CNTN4: variants seen among roughly 807,000 people sequenced by gnomAD.
CNTN4 encodes the protein contactin 4, also known as contactin-4.
In CNTN4, 77 loss-of-function variants were observed where a neutral mutation model predicts 122.5. That is an observed-to-expected ratio of 0.63 (90% CI 0.52 to 0.76). The LOEUF (loss-of-function observed/expected upper bound fraction) is 0.76. CNTN4 is among the 30% of genes least tolerant of loss of function. CNTN4 has a pLI of 0.00. For missense variants in CNTN4, 1,256 were observed against 1,259.1 expected (o/e 1.00, Z 0.04); for synonymous variants, 512 against 447.0 (o/e 1.15, Z -1.83).
At chr3:2,840,180 T>G (rs894251562) in intron 7 of CNTN4, among the ~76,000 whole-genome samples, 1 of 152,114 alleles carries the variant, frequency 6.6e-6, no homozygotes, top group Non-Finnish European at 1.5e-5. Flanking sequence ...GGGGTCATTC[T>G]TATAACAACA....
chr3:2,444,043 G>A (rs1296329002), intron 3 of CNTN4, among the ~76,000 whole-genome samples: 1 of 151,982 alleles, frequency 6.6e-6, no homozygotes, highest in South Asian at 2.1e-4. Flanking sequence ...ACTCCTCTGG[G>A]AGCATTTATC....
chr3:2,627,757 T>C (rs940373310), intron 4 of CNTN4, among the ~76,000 whole-genome samples: 6 of 152,266 alleles, frequency 3.9e-5, no homozygotes, highest in African/African-American at 7.2e-5. Context: ...CCTCCCAAAG[T>C]GCTGGGATTA....
At chr3:2,741,426 A>G (rs539871774) in intron 5 of CNTN4, among the ~76,000 whole-genome samples, 4 of 152,198 alleles carry the variant, frequency 2.6e-5, no homozygotes, top group Non-Finnish European at 4.4e-5. Context: ...TAAGAAAACA[A>G]CAACTCTCTA....
intron 3 of CNTN4, among the ~76,000 whole-genome samples, chr3:2,421,168 A>G (rs13084976): frequency 0.22 from 33,212 of 151,548 alleles, 4,615 homozygotes; most frequent in Non-Finnish European, 0.32. Context: ...AATGACCACC[A>G]TTGCATAACA....
At chr3:2,840,604 C>T (rs1310322962) in intron 7 of CNTN4, among the ~76,000 whole-genome samples, 3 of 100,308 alleles carry the variant, frequency 3.0e-5, no homozygotes, top group Middle Eastern at 3.7e-3. Flanking sequence ...GAGGCTGAGG[C>T]GGGAGAATGG....
At chr3:2,533,129 T>C (rs1186413455) in intron 3 of CNTN4, among the ~76,000 whole-genome samples, 1 of 151,696 alleles carries the variant, frequency 6.6e-6, no homozygotes, top group African/African-American at 2.4e-5. Flanking sequence ...AGATTGATTC[T>C]TCTTTTTTTT....
At chr3:2,503,137 T>G (rs1310268443) in intron 3 of CNTN4, among the ~76,000 whole-genome samples, 2 of 152,150 alleles carry the variant, frequency 1.3e-5, no homozygotes, top group African/African-American at 4.8e-5. Flanking sequence ...TGCCCAAGTA[T>G]CATTTGAACT....
intron 4 of CNTN4, among the ~76,000 whole-genome samples, chr3:2,617,010 A>C (rs928639456): frequency 3.3e-5 from 5 of 152,214 alleles, no homozygotes; most frequent in Non-Finnish European, 5.9e-5. Flanking sequence ...TTAAAGGCTT[A>C]AGTGTAAAAA....
rs140330785 is a variant in CNTN4 at position 2,547,326 on chromosome 3, C to T, written c.-88-24090C>T. 1.4e-3 allele frequency among the ~76,000 whole-genome samples: 216 copies of T among 151,934 alleles called. 1 individual carries two copies. Among genetic ancestry groups the T allele is most frequent in the African/African-American group, 5.0e-3 (208 of 41,424 alleles). ...TCTCTCAGGCTGGAGTGCAATGGCA[C>T]GATCTCTGCACACTGCAACCTCTGT... On this transcript the variant is annotated intron_variant, in intron 3 of 24. Coordinates refer to ENST00000418658, the MANE Select transcript of CNTN4 (RefSeq NM_175607.3).
chr3:2,377,930 G>T (rs900509472), intron 3 of CNTN4, among the ~76,000 whole-genome samples: 1 of 152,124 alleles, frequency 6.6e-6, no homozygotes, highest in African/African-American at 2.4e-5. Flanking sequence ...CCAATGTAAA[G>T]ATTTATTTTT....
intron 4 of CNTN4, among the ~76,000 whole-genome samples, chr3:2,575,453 G>A (rs2079617532): frequency 6.6e-6 from 1 of 152,178 alleles, no homozygotes; most frequent in African/African-American, 2.4e-5. Flanking sequence ...AGAGGTTGCA[G>A]TGAGCCGAGA....
chr3:2,818,864 G>A (rs189814760), intron 6 of CNTN4, among the ~76,000 whole-genome samples: 1 of 152,252 alleles, frequency 6.6e-6, no homozygotes, highest in East Asian at 1.9e-4. Context: ...TTGTGTGTCT[G>A]TATATATGTC....
At chr3:2,517,115 T>A (rs189554487) in intron 3 of CNTN4, among the ~76,000 whole-genome samples, 120 of 152,170 alleles carry the variant, frequency 7.9e-4, no homozygotes, top group Middle Eastern at 3.4e-3. Flanking sequence ...GTGAAATAAT[T>A]AAGACATTTG....
In CNTN4 at chr3:2,272,973, C is replaced by A. The variant is rs531934007; in HGVS notation, c.-144-66205C>A. On this transcript the variant is annotated intron_variant, in intron 2 of 24. Transcript: ENST00000418658. ...GGTTAAGTATGTCCCCAAAGCCCTG[C>A]GTCTTGAGGTAGGCATGGGAATTAT... Among the ~76,000 whole-genome samples the A allele has an allele frequency of 1.9e-3, 284 of 152,142 alleles. 1 individual carries two copies. The highest frequency in any genetic ancestry group is 6.6e-3 in the African/African-American group (275 of 41,518).
At chr3:2,105,785 G>A (rs551405706) in intron 2 of CNTN4, among the ~76,000 whole-genome samples, 16 of 152,090 alleles carry the variant, frequency 1.1e-4, no homozygotes, top group African/African-American at 2.9e-4. Flanking sequence ...CCCAACAGTC[G>A]CCCAGAATCT....
At chr3:2,380,063 A>G (rs2045961480) in intron 3 of CNTN4, among the ~76,000 whole-genome samples, 1 of 151,806 alleles carries the variant, frequency 6.6e-6, no homozygotes, top group Non-Finnish European at 1.5e-5. Context: ...ATCTCAAAAA[A>G]AAAAAAAAAA....
In CNTN4 at chr3:2,385,623, C is replaced by A. The variant is rs1325124313; in HGVS notation, c.-89+46390C>A. ...TCGCATCTCTCAGCTTCTGTTAGCC[C>A]CAGTTGTTCTGCAGCTTGTGGGAGC... On this transcript the variant is annotated intron_variant, in intron 3 of 24. Coordinates refer to ENST00000418658, the MANE Select transcript of CNTN4 (RefSeq NM_175607.3). The surrounding 1 kb of genome is among the most constrained non-coding windows in gnomAD (Gnocchi z 4.0). 6.6e-6 allele frequency among the ~76,000 whole-genome samples: 1 copy of A among 151,994 alleles called. No individual in the cohort carries two copies. Among genetic ancestry groups the A allele is most frequent in the East Asian group, 1.9e-4 (1 of 5,166 alleles).
At chr3:2,694,458 A>G (rs1412188046) in intron 4 of CNTN4, among the ~76,000 whole-genome samples, 1 of 152,226 alleles carries the variant, frequency 6.6e-6, no homozygotes, top group East Asian at 1.9e-4. Context: ...ATTGAACAAC[A>G]TTGGCCAGGT....
chr3:2,547,385 T>C (rs1205163951), intron 3 of CNTN4, among the ~76,000 whole-genome samples: 1 of 151,962 alleles, frequency 6.6e-6, no homozygotes, highest in Non-Finnish European at 1.5e-5. Context: ...GGCCACAGCC[T>C]CCCTCTAGTA....
Sources: gnomAD v4.1 joint callset for allele counts (sites outside exome capture counted in the v4.1 genomes callset) on GRCh38, gnomAD v4.1.1 for gene constraint, Gnocchi (gnomAD v3.1) non-coding constraint, MANE v1.5 for transcripts, NCBI Gene and HGNC (gene_info 2026-07-23, HGNC 2026-07-21) for gene names.